Variants in GNB4 observed in about 807,000 individuals in gnomAD.
The protein encoded by GNB4 is G protein subunit beta 4, also known as guanine nucleotide-binding protein subunit beta-4.
Under a neutral mutation model 45.2 loss-of-function variants are expected in GNB4, and 28 were observed. That is an observed-to-expected ratio of 0.62 (90% CI 0.46 to 0.85). The LOEUF is 0.85. Among genes scored for constraint, GNB4 ranks in the 40% least tolerant of loss-of-function variants. The pLI is 0.00. For synonymous variants in GNB4, 132 were observed against 143.7 expected, an observed-to-expected ratio of 0.92 and a Z score of 0.58; for missense variants, 321 against 425.4, an observed-to-expected ratio of 0.75 and a Z score of 2.16.
chr3:179,464,506 G>A, the GNB4 span: 33 of 1,611,564 alleles, frequency 2.0e-5, no homozygotes, highest in Admixed American at 3.3e-5. Context: ...CAGGAAGTGC[G>A]GCAGGAGGTA....
the GNB4 span, among the ~76,000 whole-genome samples, chr3:179,509,377 TAAACTAG>T: frequency 1.3e-5 from 2 of 152,064 alleles, no homozygotes; most frequent in Non-Finnish European, 2.9e-5. Flanking sequence ...CACTACGAAA[TAAACTAG>T]ATATTCACAC....
At chr3:179,447,061 A>AG (rs1226916417) in intron 1 of GNB4, among the ~76,000 whole-genome samples, 1 of 152,192 alleles carries the variant, frequency 6.6e-6, no homozygotes, top group Non-Finnish European at 1.5e-5. Context: ...GTCGTATGCA[A>AG]GAAAAAAACT....
intron 1 of GNB4, among the ~76,000 whole-genome samples, chr3:179,435,937 G>C (rs1004562297): frequency 6.6e-6 from 1 of 152,178 alleles, no homozygotes; most frequent in African/African-American, 2.4e-5. Context: ...AACTTTTACT[G>C]AAGCAAGGCA....
chr3:179,421,905 A>G (rs1714992495), intron 2 of GNB4, among the ~76,000 whole-genome samples: 1 of 152,268 alleles, frequency 6.6e-6, no homozygotes, highest in Non-Finnish European at 1.5e-5. Context: ...AAGAGTTTCC[A>G]GAAATGACAG....
intron 1 of GNB4, among the ~76,000 whole-genome samples, chr3:179,436,222 A>C (rs997121898): frequency 6.6e-6 from 1 of 152,158 alleles, no homozygotes; most frequent in Admixed American, 6.5e-5. Flanking sequence ...AACATGGAGA[A>C]ACCCTGTCTC....
At chr3:179,461,991 C>T in the GNB4 span, among the ~76,000 whole-genome samples, 1 of 152,232 alleles carries the variant, frequency 6.6e-6, no homozygotes, top group Non-Finnish European at 1.5e-5. Flanking sequence ...TAAGCACTTA[C>T]AACAGTTTCT....
intron 1 of GNB4, among the ~76,000 whole-genome samples, chr3:179,429,946 A>G (rs1250106552): frequency 1.3e-5 from 2 of 152,164 alleles, no homozygotes; most frequent in African/African-American, 2.4e-5. Flanking sequence ...CTTGCCATCT[A>G]TATCATAAAG....
At chr3:179,441,956 C>T (rs184789240) in intron 1 of GNB4, among the ~76,000 whole-genome samples, 5 of 151,868 alleles carry the variant, frequency 3.3e-5, no homozygotes, top group African/African-American at 1.2e-4. Context: ...TACAGGTGCC[C>T]GCCACCACGC....
chr3:179,409,809 AAAAAAAAAAACAAAAAAACAAAAC>A (rs1714593491), intron 8 of GNB4, among the ~76,000 whole-genome samples: 2 of 67,576 alleles, frequency 3.0e-5, no homozygotes, highest in South Asian at 1.0e-3. Context: ...ACTCTGTCTC[AAAAAAAAAAACAAAAAAACAAAAC>A]AAAAAAAAAA....
intron 1 of GNB4, among the ~76,000 whole-genome samples, chr3:179,433,625 A>T (rs112684048): frequency 6.6e-6 from 1 of 152,014 alleles, no homozygotes; most frequent in Admixed American, 6.5e-5. Context: ...GTGGAAAAAA[A>T]AAAAAAGCAA....
chr3:179,508,054 G>A, the GNB4 span, among the ~76,000 whole-genome samples: 7 of 152,226 alleles, frequency 4.6e-5, no homozygotes, highest in African/African-American at 9.6e-5. Flanking sequence ...TGGAGGCAGA[G>A]TTAGTTCAAG....
the GNB4 span, among the ~76,000 whole-genome samples, chr3:179,499,735 A>C: frequency 1.3e-5 from 2 of 152,204 alleles, no homozygotes; most frequent in Non-Finnish European, 2.9e-5. Flanking sequence ...CCATTTCTCC[A>C]CATCCTCTCC....
At chr3:179,407,535 A>G (rs1191043631) in intron 8 of GNB4, among the ~76,000 whole-genome samples, 1 of 152,144 alleles carries the variant, frequency 6.6e-6, no homozygotes, top group Non-Finnish European at 1.5e-5. Context: ...TCTTACTATG[A>G]AAGTTTATAA....
At chr3:179,448,641 T>A (rs1715797328) in intron 1 of GNB4, among the ~76,000 whole-genome samples, 1 of 152,216 alleles carries the variant, frequency 6.6e-6, no homozygotes, top group Non-Finnish European at 1.5e-5. Flanking sequence ...AAAAAGTACA[T>A]TCAGAACAAG....
At chr3:179,513,189 AT>A in the GNB4 span, among the ~76,000 whole-genome samples, 1,425 of 123,246 alleles carry the variant, frequency 0.012, 8 homozygotes, top group African/African-American at 0.026. Flanking sequence ...ATGTGCAGCA[AT>A]TTTTTTTTTT....
At chr3:179,437,854 G>C (rs148009218) in intron 1 of GNB4, 4 of 152,046 alleles carry the variant, frequency 2.6e-5, no homozygotes, top group African/African-American at 9.7e-5. Context: ...ATCACTTGAG[G>C]CCAGGAGTTC....
At chr3:179,489,566 A>G in the GNB4 span, among the ~76,000 whole-genome samples, 3 of 152,140 alleles carry the variant, frequency 2.0e-5, no homozygotes, top group African/African-American at 7.2e-5. Flanking sequence ...ACTTGAGCGC[A>G]GGAGTCTGAG....
At chr3:179,521,495 C>A in the GNB4 span, among the ~76,000 whole-genome samples, 2 of 152,174 alleles carry the variant, frequency 1.3e-5, no homozygotes, top group African/African-American at 4.8e-5. Flanking sequence ...ACTTGGACTG[C>A]ACCCCAAAAA....
At chr3:179,412,916 A>T (rs1471782831) in intron 8 of GNB4, among the ~76,000 whole-genome samples, 1 of 152,054 alleles carries the variant, frequency 6.6e-6, no homozygotes, top group Non-Finnish European at 1.5e-5. Flanking sequence ...ACAGTGGCTC[A>T]TGCCTGTAAT....
Sources: allele counts gnomAD v4.1 joint callset (sites outside exome capture counted in the v4.1 genomes callset), GRCh38; gene constraint gnomAD v4.1.1; transcripts MANE v1.5; gene names NCBI Gene and HGNC (gene_info 2026-07-23, HGNC 2026-07-21).